STKLD1: variants seen among roughly 807,000 people sequenced by gnomAD.
The protein encoded by STKLD1 is serine/threonine kinase-like domain-containing protein STKLD1.
A neutral mutation model predicts 80.4 loss-of-function variants in STKLD1; 79 were observed. The ratio of observed to expected loss-of-function variants is 0.98; its 90% CI spans 0.82 to 1.19. STKLD1 has a LOEUF of 1.19. Ranked by LOEUF, STKLD1 falls within the 50% of genes most tolerant of loss-of-function variation. The pLI is 0.00. For missense variants in STKLD1, 841 were observed against 856.0 expected, an observed-to-expected ratio of 0.98 and a Z score of 0.22; for synonymous variants, 393 against 357.6, an observed-to-expected ratio of 1.10 and a Z score of -1.12.
intron 14 of STKLD1, 57 bp downstream of exon 14, chr9:133,403,069 C>G: frequency 1.3e-6 from 2 of 1,504,820 alleles, no homozygotes; most frequent in Non-Finnish European, 1.8e-6. Context: ...CCCAGCCCCT[C>G]CCTAACTGCC....
At chr9:133,388,303 C>G (rs916583084) in intron 5 of STKLD1, among the ~76,000 whole-genome samples, 2 of 152,138 alleles carry the variant, frequency 1.3e-5, no homozygotes, top group African/African-American at 4.8e-5. Context: ...GGCTGGAGTG[C>G]AGTGGCACGA....
At chr9:133,399,274 C>CT (rs1838636280) in intron 11 of STKLD1, among the ~76,000 whole-genome samples, 1 of 151,932 alleles carries the variant, frequency 6.6e-6, no homozygotes, top group Non-Finnish European at 1.5e-5. Flanking sequence ...ATCCATCCGT[C>CT]TGTCTATCCA....
In STKLD1 at chr9:133,376,515, G is replaced by A. The variant is rs2130248737; in HGVS notation, c.42G>A (p.Gly14=). 2.5e-6 allele frequency: 4 copies of A among 1,601,522 alleles called. 1 individual carries two copies. Among genetic ancestry groups the A allele is most frequent in the Middle Eastern group, 3.3e-4 (2 of 6,024 alleles). The change falls in exon 1 of 18, where the codon GGG becomes GGA. Residue 14 remains glycine, a synonymous_variant. Transcript: ENST00000371957. ...PGSNRRRPTQ[G]ERGPGSPGEP... Reference sequence around the variant, plus strand: ...CCAATCGCAGGCGCCCCACGCAGGGGGAGCGAGGCCCAGGGTCCCCCGGAG... The same window carrying A: ...CCAATCGCAGGCGCCCCACGCAGGGAGAGCGAGGCCCAGGGTCCCCCGGAG...
Position 133,376,489 on chromosome 9 carries a change from T to G in STKLD1, c.16T>G (p.Ser6Ala). Reference protein sequence around the residue: MLGPGSNRRRPTQGER... With the variant: MLGPGANRRRPTQGER... ...GCTACTGATCATGCTTGGGCCAGGG[T>G]CCAATCGCAGGCGCCCCACGCAGGG... is the stretch of plus-strand genomic sequence containing the variant. Residue 6 changes from serine (S) to alanine (A), a missense_variant, in exon 1 of 18, where the codon TCC (serine) becomes GCC (alanine). Coordinates refer to ENST00000371957, the MANE Select transcript of STKLD1 (RefSeq NM_153710.5). 6.3e-7 allele frequency: 1 copy of G among 1,593,976 alleles called. No homozygotes were observed. Among genetic ancestry groups the G allele is most frequent in the South Asian group, 1.1e-5 (1 of 87,824 alleles).
At chr9:133,392,252 AT>A (rs1033302122) in intron 7 of STKLD1, among the ~76,000 whole-genome samples, 1 of 150,894 alleles carries the variant, frequency 6.6e-6, no homozygotes, top group Non-Finnish European at 1.5e-5. Context: ...AATTTTTTGT[AT>A]TTTTTTTAGT....
rs1195266242 is a variant in STKLD1, at chr9:133,402,073, C to T, written c.1339+195C>T. Among the ~76,000 whole-genome samples, 3 of 152,184 alleles carry T rather than the reference C, an allele frequency of 2.0e-5. No homozygotes were observed. The East Asian group carries it at 5.8e-4, about 29-fold the overall frequency. On this transcript the variant is annotated intron_variant, in intron 13 of 17. Coordinates refer to ENST00000371957, the MANE Select transcript of STKLD1 (RefSeq NM_153710.5). ...GTCGCATCCTTTTCCATCTTGATGA[C>T]AAGCTTCCACTCTTGAAGTCACTGG...
intron 5 of STKLD1, chr9:133,388,965 C>G (rs1274825292): frequency 4.1e-6 from 4 of 985,286 alleles, no homozygotes; most frequent in Non-Finnish European, 4.8e-6. Context: ...AGTGGGAGGA[C>G]GCCCACATCC....
At chr9:133,392,695 G>GTGGATGGA (rs1428365095) in intron 7 of STKLD1, among the ~76,000 whole-genome samples, 9 of 103,684 alleles carry the variant, frequency 8.7e-5, no homozygotes, top group Non-Finnish European at 1.5e-4. Context: ...GAGTAGGTGA[G>GTGGATGGA]TGGATGAGTG....
rs1554776851 is a variant in STKLD1, at chr9:133,397,233, G to T, written c.936G>T (p.Arg312=). Residue 312 remains arginine (R), a synonymous_variant, in exon 10 of 18, where the codon CGG becomes CGT. Transcript: ENST00000371957. ...CGTGCGTCTCTCTGACCCTGCACCGGCAGATGGTGCCTGCGTCCATCACCG... is the reference window on the plus strand; with the variant it reads ...CGTGCGTCTCTCTGACCCTGCACCGTCAGATGGTGCCTGCGTCCATCACCG... ...KSSCVSLTLH[R]QMVPASITDM... is the part of the protein sequence containing the mutation. The T allele has an allele frequency of 1.2e-6, 2 of 1,613,860 alleles. No homozygotes were observed. The highest frequency in any genetic ancestry group is 1.7e-6 in the Non-Finnish European group (2 of 1,179,990).
chr9:133,394,657 C>CGCA lies in STKLD1; in HGVS notation c.702+254_702+256dup. The CGCA allele has an allele frequency of 2.0e-6, 1 of 489,256 alleles. No individual in the cohort carries two copies. The highest frequency in any genetic ancestry group is 5.5e-4 in the Middle Eastern group (1 of 1,826). 30.3% of individuals were successfully genotyped at this position (489,256 alleles called of 1,614,324 possible). ...TATTCAGACCATCCCACGCGACCCT[C>CGCA]GCAGCAGCCCTCCAGGTGGTGTCAC... On this transcript the variant is annotated intron_variant, in intron 8 of 17. Transcript: ENST00000371957. This position sits in a 1 kb window ranked among gnomAD's most constrained non-coding sequence, Gnocchi z 4.9.
At chr9:133,405,123 CG>C in intron 17 of STKLD1, 128 bp from the exon 18 acceptor site, 1 of 1,330,138 alleles carries the variant, frequency 7.5e-7, no homozygotes, top group Non-Finnish European at 1.0e-6. Flanking sequence ...CTTGGGGCTC[CG>C]GAACTGCAAG....
chr9:133,390,704 T>C lies in STKLD1; in HGVS notation c.491T>C (p.Ile164Thr). 6.2e-7 allele frequency: 1 copy of C among 1,613,716 alleles called. No homozygotes were observed. ...AGGAATCTCAAACCCTCCAACATCATCCTCATCAGCAGTGACCACTGCAAA... is the reference window on the plus strand; with the variant it reads ...AGGAATCTCAAACCCTCCAACATCACCCTCATCAGCAGTGACCACTGCAAA... ...IHRNLKPSNI[I>T]LISSDHCKLQ... The change falls in exon 7 of 18, where the codon ATC becomes ACC. Residue 164 changes from isoleucine (I) to threonine (T), a missense_variant. Coordinates refer to ENST00000371957, the MANE Select transcript of STKLD1 (RefSeq NM_153710.5). This position sits in a 1 kb window ranked among gnomAD's most constrained non-coding sequence, Gnocchi z 5.1.
At chr9:133,392,171 G>A (rs1378983131) in intron 7 of STKLD1, among the ~76,000 whole-genome samples, 1 of 151,784 alleles carries the variant, frequency 6.6e-6, no homozygotes, top group African/African-American at 2.4e-5. Context: ...CCGCCTACCG[G>A]GTTCACGCCA....
intron 15 of STKLD1, 32 bp downstream of exon 15, chr9:133,403,860 G>T (rs781810236): frequency 3.1e-6 from 5 of 1,612,198 alleles, no homozygotes; most frequent in Non-Finnish European, 3.4e-6. Context: ...GGCCCCTGGG[G>T]CTGGGAGGGG....
chr9:133,402,325 A>G (rs1838729409), intron 13 of STKLD1, among the ~76,000 whole-genome samples: 1 of 152,084 alleles, frequency 6.6e-6, no homozygotes, highest in African/African-American at 2.4e-5. Context: ...GTTCTCCCCA[A>G]CAGGAAGCTG....
chr9:133,395,627 T>A lies in STKLD1; in HGVS notation c.730T>A (p.Ser244Thr). 6.2e-7 allele frequency: 1 copy of A among 1,612,956 alleles called. No individual in the cohort carries two copies. Among genetic ancestry groups the A allele is most frequent in the Non-Finnish European group, 8.5e-7 (1 of 1,179,940 alleles). The part of the protein sequence containing the change: ...DGTEAMHLRK[S>T]LRQSPGSLKA... ...CACAGAAGCCATGCATCTGCGGAAG[T>A]CCCTCCGCCAGAGCCCAGGCAGCCT... Residue 244 changes from serine to threonine, a missense_variant, in exon 9 of 18, where the codon TCC (serine) becomes ACC (threonine). Ser to Thr is a moderately conservative substitution (Grantham distance 58, BLOSUM62 1). Coordinates refer to ENST00000371957, the MANE Select transcript of STKLD1 (RefSeq NM_153710.5).
intron 7 of STKLD1, among the ~76,000 whole-genome samples, chr9:133,392,563 A>G (rs1178624582): frequency 2.4e-5 from 3 of 124,176 alleles, no homozygotes; most frequent in African/African-American, 3.1e-5. Flanking sequence ...GAGTGGATGG[A>G]TGAATGGATG....
chr9:133,385,650 A>G lies in STKLD1; in HGVS notation c.253A>G (p.Ile85Val). The change falls in exon 4 of 18, where the codon ATC becomes GTC. Residue 85 changes from isoleucine (I) to valine (V), a missense_variant. Transcript: ENST00000371957. This position sits in a 1 kb window ranked among gnomAD's most constrained non-coding sequence, Gnocchi z 4.9. Reference protein sequence around the residue: ...MPLLKLRHAHISVYQELFITW... With the variant: ...MPLLKLRHAHVSVYQELFITW... The stretch of plus-strand genomic sequence containing the variant: ...ACTGCTGAAGCTGCGGCACGCCCAC[A>G]TCTCTGTGTACCAGGAGCTGTTCAT... The G allele has an allele frequency of 6.2e-7, 1 of 1,613,280 alleles. No homozygotes were observed. Among genetic ancestry groups the G allele is most frequent in the African/African-American group, 1.3e-5 (1 of 75,038 alleles).
chr9:133,401,273 G>C (rs1039261422), intron 12 of STKLD1, among the ~76,000 whole-genome samples: 25 of 151,872 alleles, frequency 1.6e-4, no homozygotes, highest in African/African-American at 4.3e-4. Flanking sequence ...TGAATAGCTG[G>C]GACTACAGGC....
Sources: allele counts gnomAD v4.1 joint callset (sites outside exome capture counted in the v4.1 genomes callset), GRCh38; gene constraint gnomAD v4.1.1; non-coding constraint Gnocchi (gnomAD v3.1); transcripts MANE v1.5; gene names NCBI Gene and HGNC (gene_info 2026-07-23, HGNC 2026-07-21).